The following LRRC56 variants were observed in gnomAD, a reference collection of about 807,000 sequenced individuals.
The protein encoded by LRRC56 is leucine-rich repeat-containing protein 56.
In LRRC56, 41 loss-of-function variants were observed where a neutral mutation model predicts 47.8. The ratio of observed to expected loss-of-function variants is 0.86; its 90% confidence interval spans 0.67 to 1.11. The LOEUF (loss-of-function observed/expected upper bound fraction) is 1.11. Among genes scored for constraint, LRRC56 ranks in the 50% most tolerant of loss-of-function variants. The pLI, the probability that LRRC56 is intolerant of heterozygous loss-of-function variation, is 0.00. For missense variants in LRRC56, 759 were observed against 704.2 expected (o/e 1.08, Z -0.88); for synonymous variants, 387 against 311.2 (o/e 1.24, Z -2.56).
At chr11:516,131 C>T in the LRRC56 span, among the ~76,000 whole-genome samples, 165 of 152,262 alleles carry the variant, frequency 1.1e-3, 1 homozygote, top group African/African-American at 3.9e-3. Flanking sequence ...CAAAGGTTCA[C>T]GCCTGTAATC....
rs1256393904 is a variant in LRRC56, at chr11:554,226, A to G, written c.1579A>G (p.Arg527Gly). 3.9e-6 allele frequency: 6 copies of G among 1,522,656 alleles called. No individual in the cohort carries two copies. Among genetic ancestry groups the G allele is most frequent in the Non-Finnish European group, 5.3e-6 (6 of 1,137,668 alleles). 94.3% of individuals were successfully genotyped at this position (1,522,656 alleles called of 1,614,324 possible). Residue 527 changes from arginine (R) to glycine (G), a missense_variant, in exon 14 of 14, where the codon AGA becomes GGA. Transcript: ENST00000270115. ...GPKPAPDAAA[R>G]PPRAAELSHP... ...AAAGCCAGCACCAGATGCAGCAGCT[A>G]GACCTCCCAGGGCAGCTGAACTCTC...
At chr11:514,476 C>T in the LRRC56 span, among the ~76,000 whole-genome samples, 12 of 152,070 alleles carry the variant, frequency 7.9e-5, no homozygotes, top group African/African-American at 2.9e-4. Flanking sequence ...TTGGTAGAGA[C>T]AGGGTTTCAC....
At chr11:511,474 G>A in the LRRC56 span, among the ~76,000 whole-genome samples, 1 of 152,334 alleles carries the variant, frequency 6.6e-6, no homozygotes, top group South Asian at 2.1e-4. Flanking sequence ...TTGGTGACAG[G>A]ACTGCTCCTA....
intron 13 of LRRC56, among the ~76,000 whole-genome samples, chr11:553,162 G>A (rs1852511108): frequency 6.6e-6 from 1 of 152,202 alleles, no homozygotes; most frequent in Non-Finnish European, 1.5e-5. Context: ...CCCTGAAGAT[G>A]GCACGCGCAC....
chr11:548,786 C>T (rs1007389590), intron 6 of LRRC56, among the ~76,000 whole-genome samples: 5 of 152,146 alleles, frequency 3.3e-5, no homozygotes, highest in African/African-American at 7.2e-5. Flanking sequence ...ACAGAAATAA[C>T]GAAGTGCTCC....
chr11:514,254 A>G, the LRRC56 span, among the ~76,000 whole-genome samples: 1 of 150,034 alleles, frequency 6.7e-6, no homozygotes, highest in Non-Finnish European at 1.5e-5. Flanking sequence ...TTGGCCTCCC[A>G]CAGTGCTAGG....
the LRRC56 span, among the ~76,000 whole-genome samples, chr11:520,480 C>G: frequency 1.3e-5 from 2 of 152,030 alleles, no homozygotes; most frequent in South Asian, 4.2e-4. Context: ...CCACGTCCGG[C>G]TCATTTTTTT....
chr11:552,166 A>T lies in LRRC56; in HGVS notation c.1115A>T (p.Asp372Val), dbSNP rs1156844853. Residue 372 changes from aspartate to valine, a missense_variant, in exon 12 of 14, where the codon GAC becomes GTC. By Grantham distance (152) the Asp-to-Val change is radical. Coordinates refer to ENST00000270115, the MANE Select transcript of LRRC56 (RefSeq NM_198075.4). The part of the protein sequence containing the change: ...PAASTSTPEP[D>V]PADSSDFLAL... ...GCCAGCACTTCCACCCCAGAGCCTG[A>T]CCCTGCAGACAGCTCTGACTTCCTG... is the stretch of plus-strand genomic sequence containing the variant. The T allele has an allele frequency of 6.2e-7, 1 of 1,612,668 alleles. No homozygotes were observed. The highest frequency in any genetic ancestry group is 1.1e-5 in the South Asian group (1 of 91,080).
chr11:534,493 G>A (rs908853699), upstream of LRRC56: 13 of 622,376 alleles, frequency 2.1e-5, no homozygotes, highest in Non-Finnish European at 3.7e-5. Flanking sequence ...CCAACGCCAG[G>A]CAGCAAGGAC....
the LRRC56 span, among the ~76,000 whole-genome samples, chr11:531,354 C>G: frequency 1.3e-5 from 2 of 152,270 alleles, no homozygotes; most frequent in Non-Finnish European, 2.9e-5. Context: ...AGCCTCAACC[C>G]GGGCCCTGGG....
chr11:551,114 T>G lies in LRRC56; in HGVS notation c.625-17T>G. 7 of 559,462 alleles carry G rather than the reference T, an allele frequency of 1.3e-5. No homozygotes were observed. Among genetic ancestry groups the G allele is most frequent in the Non-Finnish European group, 1.7e-5 (6 of 346,494 alleles). 34.7% of individuals were successfully genotyped at this position (559,462 alleles called of 1,614,324 possible). A position where few individuals can be genotyped will look rare whatever the true frequency, so the allele number is the denominator to read the frequency against. ...GACCCAGACCTGCCCTCCCTCCCCC[T>G]CCCCCTCCCCCTGCAGGTGCCCAGG... is the stretch of plus-strand genomic sequence containing the variant. On this transcript the variant is annotated splice_polypyrimidine_tract_variant and intron_variant, in intron 8 of 13. Transcript: ENST00000270115.
chr11:516,224 C>T, the LRRC56 span, among the ~76,000 whole-genome samples: 1 of 152,036 alleles, frequency 6.6e-6, no homozygotes, highest in Non-Finnish European at 1.5e-5. Context: ...CGAAACCCGT[C>T]TCTACCAAAA....
the LRRC56 span, among the ~76,000 whole-genome samples, chr11:525,772 C>T: frequency 9.9e-5 from 15 of 152,106 alleles, no homozygotes; most frequent in South Asian, 6.2e-4. Context: ...TGCTGGTGCA[C>T]GCCTGTAGTC....
At chr11:530,276 C>G in the LRRC56 span, among the ~76,000 whole-genome samples, 1 of 152,236 alleles carries the variant, frequency 6.6e-6, no homozygotes, top group Non-Finnish European at 1.5e-5. Flanking sequence ...ACAGGGTCAC[C>G]TGCATCTGAC....
At chr11:546,289 C>T (rs181133850) in intron 6 of LRRC56, among the ~76,000 whole-genome samples, 86 of 151,804 alleles carry the variant, frequency 5.7e-4, no homozygotes, top group African/African-American at 1.9e-3. Flanking sequence ...ATAAAGTAGG[C>T]CAGGCACAGT....
chr11:543,914 A>T (rs146988913), intron 5 of LRRC56, among the ~76,000 whole-genome samples: 4 of 152,086 alleles, frequency 2.6e-5, no homozygotes, highest in African/African-American at 9.6e-5. Flanking sequence ...ATACCCGGCT[A>T]ATTTTTTGTA....
Position 541,196 on chromosome 11 carries a change from C to T in LRRC56, c.177+335C>T, listed in dbSNP as rs1200668129. Among the ~76,000 whole-genome samples the T allele has an allele frequency of 2.0e-5, 3 of 152,176 alleles. No homozygotes were observed. The highest frequency in any genetic ancestry group is 4.4e-5 in the Non-Finnish European group (3 of 68,026). On this transcript the variant is annotated intron_variant, in intron 4 of 13. Transcript: ENST00000270115. The surrounding 1 kb of genome is among the most constrained non-coding windows in gnomAD (Gnocchi z 4.1). ...CAACCAAAGAGGGGGGTCCTTCACT[C>T]AAGCGGGAGACCAGATGGCTCAAAG...
Position 551,316 on chromosome 11 carries a change from G to A in LRRC56, c.796+14G>A, listed in dbSNP as rs762615675. The A allele has an allele frequency of 7.4e-5, 110 of 1,491,098 alleles. No individual in the cohort carries two copies. Among genetic ancestry groups the A allele is most frequent in the South Asian group, 1.5e-4 (12 of 77,880 alleles). 92.4% of individuals were successfully genotyped at this position (1,491,098 alleles called of 1,614,324 possible). On this transcript the variant is annotated intron_variant, in intron 9 of 13. Transcript: ENST00000270115. ...TTCCCCCGCTGGGTACGGCAGCTGC[G>A]CCCGGAGGACCCACTGCTGAGCCCC...
chr11:520,784 T>C, the LRRC56 span, among the ~76,000 whole-genome samples: 1 of 152,174 alleles, frequency 6.6e-6, no homozygotes, highest in East Asian at 1.9e-4. Context: ...CCGTCCTTTC[T>C]GTTCCCTGAG....
Sources: gnomAD v4.1 joint callset for allele counts (sites outside exome capture counted in the v4.1 genomes callset) on GRCh38, gnomAD v4.1.1 for gene constraint, Gnocchi (gnomAD v3.1) non-coding constraint, MANE v1.5 for transcripts, NCBI Gene and HGNC (gene_info 2026-07-23, HGNC 2026-07-21) for gene names.